Variants in ZMYM4 observed in about 807,000 individuals in gnomAD.
ZMYM4 encodes zinc finger MYM-type containing 4.
In ZMYM4, 31 loss-of-function variants were observed where a neutral mutation model predicts 183.2. That is an observed-to-expected ratio of 0.17 (90% confidence interval 0.13 to 0.23). The LOEUF (loss-of-function observed/expected upper bound fraction) is 0.23, where lower values mean the gene tolerates loss of function less well. Ranked by LOEUF, ZMYM4 falls within the 10% of genes least tolerant of loss-of-function variation. The probability of loss-of-function intolerance (pLI) is 1.00; values close to 1 mark genes in which losing one functional copy is unlikely to be tolerated. For synonymous variants in ZMYM4, 592 were observed against 631.2 expected (o/e 0.94, Z 0.93); for missense variants, 1,273 against 1,840.3 (o/e 0.69, Z 5.64).
chr1:35,384,170 G>C lies in ZMYM4; in HGVS notation c.1570-1272G>C, dbSNP rs1358611361. 2.6e-5 allele frequency among the ~76,000 whole-genome samples: 4 copies of C among 152,152 alleles called. No individual in the cohort carries two copies. In the East Asian group the frequency reaches 7.7e-4, roughly 29 times the overall value. Reference sequence around the variant, plus strand: ...ATTATGGGTACAGTGGGCCACAGAGGTAGCATAGTGAGCTCTACTTGATAG... The same window carrying C: ...ATTATGGGTACAGTGGGCCACAGAGCTAGCATAGTGAGCTCTACTTGATAG... On this transcript the variant is annotated intron_variant, in intron 9 of 29. Coordinates refer to ENST00000314607, the MANE Select transcript of ZMYM4 (RefSeq NM_005095.3).
chr1:35,340,755 C>G (rs986202218), intron 2 of ZMYM4, among the ~76,000 whole-genome samples: 1 of 152,090 alleles, frequency 6.6e-6, no homozygotes, highest in Non-Finnish European at 1.5e-5. Flanking sequence ...TGAAGCTTTG[C>G]TTGCTTGTGG....
chr1:35,407,960 T>C, intron 25 of ZMYM4, 48 bp from the exon 26 acceptor site: 1 of 1,610,878 alleles, frequency 6.2e-7, no homozygotes. Flanking sequence ...TCAATGCTAC[T>C]ATGTTTGTTA....
chr1:35,350,624 T>C (rs933088344), intron 2 of ZMYM4: 2 of 198,622 alleles, frequency 1.0e-5, no homozygotes, highest in Non-Finnish European at 2.1e-5. Flanking sequence ...CTGAAAATTA[T>C]GCTTTGATTA....
chr1:35,294,008 G>A (rs1311222108), intron 1 of ZMYM4, among the ~76,000 whole-genome samples: 18 of 152,104 alleles, frequency 1.2e-4, no homozygotes, highest in African/African-American at 3.9e-4. Context: ...GGTGGCACGC[G>A]CCTGCAGTCC....
At chr1:35,339,734 T>A (rs1227743493) in intron 2 of ZMYM4, among the ~76,000 whole-genome samples, 2 of 152,172 alleles carry the variant, frequency 1.3e-5, no homozygotes, top group African/African-American at 4.8e-5. Flanking sequence ...TGATTTTGCC[T>A]TTCACGTGTA....
chr1:35,271,959 T>C (rs1639629723), intron 1 of ZMYM4, among the ~76,000 whole-genome samples: 1 of 152,162 alleles, frequency 6.6e-6, no homozygotes, highest in Non-Finnish European at 1.5e-5. Context: ...GGAAACCCCC[T>C]CTCTAGAAAA....
In ZMYM4 at chr1:35,308,712, T is replaced by G. The variant is rs184819675; in HGVS notation, c.40-16648T>G. On this transcript the variant is annotated intron_variant, in intron 1 of 29. Coordinates refer to ENST00000314607, the MANE Select transcript of ZMYM4 (RefSeq NM_005095.3). The stretch of plus-strand genomic sequence containing the variant: ...CCTGTCTCTACCAAAAATACAAAAA[T>G]TAGCTGGGCATGGTGGCGCATGCCT... 2.5e-3 allele frequency among the ~76,000 whole-genome samples: 373 copies of G among 152,132 alleles called. 3 individuals are homozygous for G. The highest frequency in any genetic ancestry group is 4.2e-3 in the Non-Finnish European group (287 of 67,992).
At chr1:35,283,005 TTTTTTTTTTTTG>T (rs1640264479) in intron 1 of ZMYM4, among the ~76,000 whole-genome samples, 1 of 97,556 alleles carries the variant, frequency 1.0e-5, no homozygotes, top group African/African-American at 5.0e-5. Context: ...TTTTTTTTTT[TTTTTTTTTTTTG>T]AGACAGAGTG....
intron 28 of ZMYM4, among the ~76,000 whole-genome samples, chr1:35,417,752 G>A (rs1640178851): frequency 6.6e-6 from 1 of 152,180 alleles, no homozygotes; most frequent in Non-Finnish European, 1.5e-5. Context: ...GTTCATGCCT[G>A]TAATCCCAGC....
chr1:35,336,572 A>C (rs1207778806), intron 2 of ZMYM4, among the ~76,000 whole-genome samples: 1 of 151,508 alleles, frequency 6.6e-6, no homozygotes, highest in Non-Finnish European at 1.5e-5. Flanking sequence ...TTTGGGTATA[A>C]TTTTGTATTT....
chr1:35,405,155 A>G lies in ZMYM4; in HGVS notation c.3661A>G (p.Lys1221Glu). ...TGCTTGGAAGAACTGGGTTCAGTGG[A>G]AAAATGCCAAGGAAGAGCAGGGGGA... ...VNAWKNWVQW[K>E]NAKEEQGDLK... Residue 1221 changes from lysine to glutamate, a missense_variant, in exon 24 of 30, where the codon AAA becomes GAA. Transcript: ENST00000314607. 1 of 1,613,892 alleles carries G rather than the reference A, an allele frequency of 6.2e-7. No homozygotes were observed. Among genetic ancestry groups the G allele is most frequent in the Non-Finnish European group, 8.5e-7 (1 of 1,179,896 alleles).
At position 35,389,040 on chromosome 1, in the gene ZMYM4, T is replaced by C. The variant is rs1429253475; in HGVS notation, c.2394T>C (p.Cys798=). The C allele has an allele frequency of 6.2e-7, 1 of 1,614,100 alleles. No homozygotes were observed. The change falls in exon 14 of 30, where the codon TGT becomes TGC. Residue 798 remains cysteine (C), a synonymous_variant. Coordinates refer to ENST00000314607, the MANE Select transcript of ZMYM4 (RefSeq NM_005095.3). This position sits in a 1 kb window ranked among gnomAD's most constrained non-coding sequence, Gnocchi z 4.0. ...TAGGAGGGAAAGTGGAAGAGTTCTG[T>C]TGTGAAGAATGCATGTCCAAATATA... ...NNLGGKVEEF[C]CEECMSKYTV...
intron 29 of ZMYM4, among the ~76,000 whole-genome samples, chr1:35,418,960 C>T (rs1265198179): frequency 6.6e-6 from 1 of 152,102 alleles, no homozygotes; most frequent in Admixed American, 6.6e-5. Context: ...CTTAGAGGAA[C>T]TTTATGATTT....
intron 1 of ZMYM4, among the ~76,000 whole-genome samples, chr1:35,314,210 T>C (rs1227485582): frequency 1.3e-5 from 2 of 152,204 alleles, no homozygotes; most frequent in African/African-American, 4.8e-5. Flanking sequence ...TAACCAATTC[T>C]ATACATTATT....
intron 1 of ZMYM4, among the ~76,000 whole-genome samples, chr1:35,272,936 G>A (rs993814390): frequency 6.6e-6 from 1 of 152,002 alleles, no homozygotes; most frequent in Non-Finnish European, 1.5e-5. Flanking sequence ...GGATGGTCTC[G>A]ATCTCCTGAC....
At chr1:35,320,543 C>T (rs1642238378) in intron 1 of ZMYM4, among the ~76,000 whole-genome samples, 1 of 152,108 alleles carries the variant, frequency 6.6e-6, no homozygotes, top group Non-Finnish European at 1.5e-5. Flanking sequence ...ATTAATTGAA[C>T]CTGAGGTGGG....
intron 5 of ZMYM4, among the ~76,000 whole-genome samples, chr1:35,362,897 C>T (rs530885257): frequency 1.1e-4 from 16 of 152,166 alleles, no homozygotes; most frequent in African/African-American, 3.1e-4. Context: ...AGGGGCCAGA[C>T]GTGATGGCTC....
intron 2 of ZMYM4, among the ~76,000 whole-genome samples, chr1:35,346,650 CAAAAAAA>C (rs746472685): frequency 1.1e-4 from 6 of 54,188 alleles, no homozygotes; most frequent in Non-Finnish European, 2.6e-4. Context: ...GACTCCATCT[CAAAAAAA>C]AAAAAAAAAA....
chr1:35,317,733 A>T (rs1370122527), intron 1 of ZMYM4, among the ~76,000 whole-genome samples: 31 of 152,190 alleles, frequency 2.0e-4, no homozygotes, highest in Admixed American at 2.0e-3. Flanking sequence ...AAGGCAGGTA[A>T]TTGTGATCAT....
Sources: allele counts gnomAD v4.1 joint callset (sites outside exome capture counted in the v4.1 genomes callset), GRCh38; gene constraint gnomAD v4.1.1; non-coding constraint Gnocchi (gnomAD v3.1); transcripts MANE v1.5; gene names NCBI Gene and HGNC (gene_info 2026-07-23, HGNC 2026-07-21).